FAM186A: variants seen among roughly 807,000 people sequenced by gnomAD.
FAM186A encodes the protein family with sequence similarity 186 member A, also known as protein FAM186A.
FAM186A carries 163 observed loss-of-function variants against 216.8 expected under a neutral mutation model. That is an observed-to-expected ratio of 0.75 (90% confidence interval 0.66 to 0.86). FAM186A has a LOEUF of 0.86. Among genes scored for constraint, FAM186A ranks in the 40% least tolerant of loss-of-function variants. FAM186A has a pLI of 0.00. For synonymous variants in FAM186A, 805 were observed against 1,025.3 expected, an observed-to-expected ratio of 0.79 and a Z score of 4.10; for missense variants, 2,184 against 2,746.2, an observed-to-expected ratio of 0.80 and a Z score of 4.58.
At chr12:50,333,249 A>G (rs539542687) in intron 5 of FAM186A, among the ~76,000 whole-genome samples, 1 of 152,152 alleles carries the variant, frequency 6.6e-6, no homozygotes, top group South Asian at 2.1e-4. Flanking sequence ...ATAAGAACTC[A>G]GGCCAGGCGT....
intron 1 of FAM186A, among the ~76,000 whole-genome samples, chr12:50,391,775 A>C (rs1285920209): frequency 6.6e-6 from 1 of 152,122 alleles, no homozygotes; most frequent in African/African-American, 2.4e-5. Context: ...CTGGCCTAGT[A>C]GTTTATTTTT....
chr12:50,351,311 C>G lies in FAM186A; in HGVS notation c.5521G>C (p.Gly1841Arg), dbSNP rs79391678. ...ATCTGTCCAGAAGTGGGTGGAACTCCAGCTATAAAGGGCTGCCCTGGAGTG... is the reference window on the plus strand; with the variant it reads ...ATCTGTCCAGAAGTGGGTGGAACTCGAGCTATAAAGGGCTGCCCTGGAGTG... ...PPTPGQPFIA[G>R]VPPTSGQIPS... Residue 1841 changes from glycine to arginine, a missense_variant, in exon 4 of 8, where the codon GGA becomes CGA. Physicochemically the swap from Gly to Arg is moderately radical, Grantham distance 125 (BLOSUM62 -2). This residue lies in a region of FAM186A where 721 missense variants were observed against 816.4 expected (regional missense o/e 0.88). Coordinates refer to ENST00000327337, the MANE Select transcript of FAM186A (RefSeq NM_001145475.3). 5,019 of 1,527,880 alleles carry G rather than the reference C, an allele frequency of 3.3e-3. 134 individuals are homozygous for G. In the African/African-American group the frequency reaches 0.061, roughly 19 times the overall value. The allele number at this position is 1,527,880 out of a possible 1,614,324, so 94.6% of individuals were successfully genotyped here.
At chr12:50,330,802 T>G (rs1214638419) in intron 6 of FAM186A, 44 bp from the exon 7 acceptor site, 1 of 1,454,524 alleles carries the variant, frequency 6.9e-7, no homozygotes, top group Non-Finnish European at 9.1e-7. Context: ...TCTCCTGAGC[T>G]CCATAGCCCA....
chr12:50,364,583 T>TAAA (rs1362530653), intron 1 of FAM186A, among the ~76,000 whole-genome samples: 1 of 91,002 alleles, frequency 1.1e-5, no homozygotes, highest in African/African-American at 3.7e-5. Flanking sequence ...ATAAATAAAA[T>TAAA]AAAAATAAAA....
intron 4 of FAM186A, among the ~76,000 whole-genome samples, chr12:50,334,622 T>A (rs1257751174): frequency 6.6e-6 from 1 of 151,948 alleles, no homozygotes; most frequent in Non-Finnish European, 1.5e-5. Context: ...GGAATACAGG[T>A]GTGCACCACC....
At position 50,331,358 on chromosome 12, in the gene FAM186A, G is replaced by A. The variant is rs534583323; in HGVS notation, c.6848+312C>T. 1.1e-3 allele frequency among the ~76,000 whole-genome samples: 168 copies of A among 152,276 alleles called. 1 individual carries two copies. Among genetic ancestry groups the A allele is most frequent in the Middle Eastern group, 3.4e-3 (1 of 294 alleles). On this transcript the variant is annotated intron_variant, in intron 6 of 7. Transcript: ENST00000327337. ...AGGTTCAAGCGATTCTCCTGTCTCA[G>A]CCTCCCAACTAGCTGGGATTACAGG...
intron 1 of FAM186A, among the ~76,000 whole-genome samples, chr12:50,384,190 A>G (rs547498121): frequency 6.6e-6 from 1 of 152,064 alleles, no homozygotes; most frequent in Admixed American, 6.6e-5. Context: ...GAATCCCAGC[A>G]TTTTGAAAGG....
chr12:50,365,624 C>T (rs1002652356), intron 1 of FAM186A: 3 of 598,804 alleles, frequency 5.0e-6, no homozygotes, highest in Non-Finnish European at 9.0e-6. Context: ...TCCCTTTTGC[C>T]GCCATCTCCA....
Position 50,355,152 on chromosome 12 carries a change from T to G in FAM186A, c.1680A>C (p.Pro560=). The G allele has an allele frequency of 6.4e-7, 1 of 1,551,670 alleles. No homozygotes were observed. Residue 560 remains proline (P), a synonymous_variant, in exon 4 of 8, where the codon CCA becomes CCC. Coordinates refer to ENST00000327337, the MANE Select transcript of FAM186A (RefSeq NM_001145475.3). ...GTTCCACTTTAATCTCTGCTGCAGT[T>G]GGACGTTTGTCAAATGGAGATTCAC... ...VKRESPFDKR[P]TAAEIKVEPT... is the part of the protein sequence containing the mutation.
intron 1 of FAM186A, among the ~76,000 whole-genome samples, chr12:50,378,052 C>A (rs1943215197): frequency 6.6e-6 from 1 of 151,890 alleles, no homozygotes; most frequent in Admixed American, 6.6e-5. Context: ...ATGGAAAAAC[C>A]CTGTCTCTAC....
rs563843168 is a variant in FAM186A at position 50,371,412 on chromosome 12, C to T, written c.193-8048G>A. On this transcript the variant is annotated intron_variant, in intron 1 of 7. Coordinates refer to ENST00000327337, the MANE Select transcript of FAM186A (RefSeq NM_001145475.3). ...GATTACAGGCGTGAGCCACCGTGCC[C>T]GGCCAACTTAATTTAATTTTAAAAT... 3.9e-5 allele frequency among the ~76,000 whole-genome samples: 6 copies of T among 151,990 alleles called. No individual in the cohort carries two copies. The East Asian group carries it at 9.7e-4, about 25-fold the overall frequency.
chr12:50,366,750 C>T (rs559903105), intron 1 of FAM186A, among the ~76,000 whole-genome samples: 18 of 150,222 alleles, frequency 1.2e-4, no homozygotes, highest in African/African-American at 3.2e-4. Context: ...CAGTAGCTCA[C>T]GCCTGTAATC....
chr12:50,368,974 A>C (rs1428197152), intron 1 of FAM186A, among the ~76,000 whole-genome samples: 1 of 149,218 alleles, frequency 6.7e-6, no homozygotes, highest in Non-Finnish European at 1.5e-5. Flanking sequence ...TTAAAAAAAA[A>C]AAAAACACAC....
intron 4 of FAM186A, among the ~76,000 whole-genome samples, chr12:50,344,724 T>G (rs1942796137): frequency 6.6e-6 from 1 of 152,186 alleles, no homozygotes; most frequent in Non-Finnish European, 1.5e-5. Context: ...CCCAACATTT[T>G]GGGAGGCTGG....
chr12:50,373,562 T>C (rs1025987791), intron 1 of FAM186A, among the ~76,000 whole-genome samples: 2 of 152,144 alleles, frequency 1.3e-5, no homozygotes, highest in Non-Finnish European at 2.9e-5. Context: ...ATCCCTCACC[T>C]CATGAAAATA....
chr12:50,363,836 T>C (rs1038626907), intron 1 of FAM186A, among the ~76,000 whole-genome samples: 12 of 151,952 alleles, frequency 7.9e-5, no homozygotes, highest in African/African-American at 2.7e-4. Flanking sequence ...CTTTCTTACC[T>C]GGAAAGCAGT....
chr12:50,331,068 AT>A (rs1370810209), intron 6 of FAM186A, among the ~76,000 whole-genome samples: 1 of 152,314 alleles, frequency 6.6e-6, no homozygotes, highest in East Asian at 1.9e-4. Context: ...TTAAAAAAAA[AT>A]AGAAGAAAAA....
Position 50,350,941 on chromosome 12 carries a change from G to T in FAM186A, c.5891C>A (p.Ser1964Tyr). Residue 1964 changes from serine to tyrosine, a missense_variant, in exon 4 of 8, where the codon TCT (serine) becomes TAT (tyrosine). Coordinates refer to ENST00000327337, the MANE Select transcript of FAM186A (RefSeq NM_001145475.3). ...KRLAIISSLK[S>Y]KSVLIHPSAP... ...ACTAGGATGGATCAATACTGATTTA[G>T]ATTTCAGAGAAGAAATAATTGCCAA... 1 of 1,551,328 alleles carries T rather than the reference G, an allele frequency of 6.4e-7. No individual in the cohort carries two copies.
At chr12:50,365,947 C>T (rs1354091242) in intron 1 of FAM186A, 22 of 764,148 alleles carry the variant, frequency 2.9e-5, no homozygotes, top group Non-Finnish European at 5.3e-5. Context: ...CATGTGGGCC[C>T]TCGCCCCAGC....
Sources: gnomAD v4.1 joint callset for allele counts (sites outside exome capture counted in the v4.1 genomes callset) on GRCh38, gnomAD v4.1.1 for gene constraint, gnomAD v4.1.1 regional missense constraint, MANE v1.5 for transcripts, NCBI Gene and HGNC (gene_info 2026-07-23, HGNC 2026-07-21) for gene names.